Variants in SLC23A2 observed in about 807,000 individuals in gnomAD.
SLC23A2 encodes Na(+)/L-ascorbic acid transporter 2.
In SLC23A2, 36 loss-of-function variants were observed where a neutral mutation model predicts 73.3. The ratio of observed to expected loss-of-function variants is 0.49; its 90% CI spans 0.38 to 0.65. The LOEUF (loss-of-function observed/expected upper bound fraction) is 0.65, where lower values mean the gene tolerates loss of function less well. Among genes scored for constraint, SLC23A2 ranks in the 30% least tolerant of loss-of-function variants. The pLI is 0.00. For synonymous variants in SLC23A2, 343 were observed against 327.3 expected (o/e 1.05, Z -0.52); for missense variants, 507 against 841.6 (o/e 0.60, Z 4.92).
chr20:4,977,856 A>C (rs2087668577), intron 1 of SLC23A2, among the ~76,000 whole-genome samples: 1 of 152,074 alleles, frequency 6.6e-6, no homozygotes, highest in African/African-American at 2.4e-5. Context: ...GATTTTTTAA[A>C]AGCTCAAAAT....
intron 4 of SLC23A2, among the ~76,000 whole-genome samples, chr20:4,908,661 G>A (rs1314144188): frequency 1.3e-5 from 2 of 152,234 alleles, no homozygotes; most frequent in African/African-American, 4.8e-5. Context: ...GGGTGTGGTG[G>A]CTCATGCCTG....
At chr20:4,991,765 A>AC (rs2087929409) in intron 1 of SLC23A2, among the ~76,000 whole-genome samples, 1 of 134,198 alleles carries the variant, frequency 7.5e-6, no homozygotes, top group Non-Finnish European at 1.7e-5. Context: ...CACACACACA[A>AC]AAGTAATCTA....
At chr20:4,976,270 T>C (rs1455254956) in intron 1 of SLC23A2, among the ~76,000 whole-genome samples, 1 of 152,082 alleles carries the variant, frequency 6.6e-6, no homozygotes, top group African/African-American at 2.4e-5. Flanking sequence ...AAAAAGCAAA[T>C]GACTGCTTTT....
At chr20:4,997,479 G>A (rs749886985) in intron 1 of SLC23A2, among the ~76,000 whole-genome samples, 3 of 151,956 alleles carry the variant, frequency 2.0e-5, no homozygotes, top group Non-Finnish European at 4.4e-5. Flanking sequence ...CAAGCCCTCT[G>A]CTATGAACTC....
chr20:4,865,413 A>G (rs1402006135), intron 13 of SLC23A2, among the ~76,000 whole-genome samples: 1 of 152,178 alleles, frequency 6.6e-6, no homozygotes, highest in East Asian at 1.9e-4. Context: ...CCTTCATGCA[A>G]TATAGATATT....
chr20:5,004,798 G>A (rs1353757732), upstream of SLC23A2, among the ~76,000 whole-genome samples: 3 of 152,088 alleles, frequency 2.0e-5, no homozygotes, highest in Admixed American at 6.5e-5. Context: ...TCGGGAGTTC[G>A]AGACCAGCCT....
At chr20:5,001,343 C>T (rs1173720260) in intron 1 of SLC23A2, 63 bp downstream of exon 1, 2 of 146,344 alleles carry the variant, frequency 1.4e-5, no homozygotes, top group Admixed American at 6.8e-5. Context: ...GCGAGCACCT[C>T]GCGGCCCCGC....
intron 16 of SLC23A2, among the ~76,000 whole-genome samples, chr20:4,858,809 CT>C (rs1405111504): frequency 6.6e-6 from 1 of 152,164 alleles, no homozygotes; most frequent in Non-Finnish European, 1.5e-5. Context: ...TCCTGGACCC[CT>C]GATCTCAGCC....
At chr20:4,865,409 T>C (rs1362889705) in intron 13 of SLC23A2, among the ~76,000 whole-genome samples, 1 of 152,242 alleles carries the variant, frequency 6.6e-6, no homozygotes, top group African/African-American at 2.4e-5. Flanking sequence ...CATTCCTTCA[T>C]GCAATATAGA....
intron 2 of SLC23A2, among the ~76,000 whole-genome samples, chr20:4,961,222 T>C (rs1029620652): frequency 6.6e-6 from 1 of 150,732 alleles, no homozygotes; most frequent in East Asian, 2.0e-4. Flanking sequence ...ATTCTCCCTA[T>C]AGGCACGTGT....
At chr20:4,922,557 G>A (rs1038394345) in intron 3 of SLC23A2, among the ~76,000 whole-genome samples, 2 of 152,200 alleles carry the variant, frequency 1.3e-5, no homozygotes, top group African/African-American at 4.8e-5. Flanking sequence ...GCCGGGCACA[G>A]TGGCTCACGC....
chr20:4,905,041 G>C (rs1412262763), intron 4 of SLC23A2, among the ~76,000 whole-genome samples: 2 of 146,392 alleles, frequency 1.4e-5, no homozygotes, highest in Non-Finnish European at 3.0e-5. Flanking sequence ...TTGAACCTAG[G>C]AGACAGAGGT....
intron 9 of SLC23A2, among the ~76,000 whole-genome samples, chr20:4,877,462 G>T (rs1223904747): frequency 6.6e-6 from 1 of 151,958 alleles, no homozygotes; most frequent in African/African-American, 2.4e-5. Flanking sequence ...ACAAATTATT[G>T]GGGTAAAAAT....
At chr20:4,984,411 G>A (rs960536258) in intron 1 of SLC23A2, among the ~76,000 whole-genome samples, 22 of 152,132 alleles carry the variant, frequency 1.4e-4, no homozygotes, top group East Asian at 1.2e-3. Context: ...AAAATTAGCC[G>A]GGCATGGTGG....
intron 3 of SLC23A2, among the ~76,000 whole-genome samples, chr20:4,922,190 T>C (rs1165633751): frequency 6.6e-6 from 1 of 152,154 alleles, no homozygotes. Flanking sequence ...ATTAGGAATT[T>C]AGAAGTGGGG....
chr20:4,989,499 C>T (rs1009541662), intron 1 of SLC23A2, among the ~76,000 whole-genome samples: 2 of 151,958 alleles, frequency 1.3e-5, no homozygotes, highest in African/African-American at 4.8e-5. Flanking sequence ...GGTAATTCTA[C>T]TCAATATTTT....
intron 2 of SLC23A2, 110 bp from the exon 3 acceptor site, chr20:4,932,826 A>G (rs1325146655): frequency 3.1e-6 from 1 of 318,984 alleles, no homozygotes; most frequent in Non-Finnish European, 5.7e-6. Context: ...ATTATACCCA[A>G]GCATCCAAAA....
At chr20:4,871,688 C>A (rs555218010) in intron 11 of SLC23A2, among the ~76,000 whole-genome samples, 234 of 152,188 alleles carry the variant, frequency 1.5e-3, no homozygotes, top group Admixed American at 3.1e-3. Flanking sequence ...GCAGAGGCGG[C>A]CCTTGGTCAG....
Position 4,862,338 on chromosome 20 carries a change from T to C in SLC23A2, c.1487-253A>G, listed in dbSNP as rs113675658. On this transcript the variant is annotated intron_variant, in intron 14 of 16. Transcript: ENST00000338244. This position sits in a 1 kb window ranked among gnomAD's most constrained non-coding sequence, Gnocchi z 5.1. ...ACCATGTGGCATTTTGTTTGTCAAA[T>C]AGAAAACTAAGGACATTGGTTCTCT... is the stretch of plus-strand genomic sequence containing the variant. Among the ~76,000 whole-genome samples, 910 of 152,338 alleles carry C rather than the reference T, an allele frequency of 6.0e-3. 8 individuals carry two copies. Among genetic ancestry groups the C allele is most frequent in the Middle Eastern group, 0.02 (6 of 294 alleles).
Sources: gnomAD v4.1 joint callset for allele counts (sites outside exome capture counted in the v4.1 genomes callset) on GRCh38, gnomAD v4.1.1 for gene constraint, Gnocchi (gnomAD v3.1) non-coding constraint, MANE v1.5 for transcripts, NCBI Gene and HGNC (gene_info 2026-07-23, HGNC 2026-07-21) for gene names.